NAALADL2: variants seen among roughly 807,000 people sequenced by gnomAD.
NAALADL2 encodes the protein N-acetylated alpha-linked acidic dipeptidase like 2, also known as inactive N-acetylated-alpha-linked acidic dipeptidase-like protein 2.
In NAALADL2, 76 loss-of-function variants were observed where a neutral mutation model predicts 87.2. The ratio of observed to expected loss-of-function variants is 0.87; its 90% CI spans 0.72 to 1.05. The LOEUF is 1.05. NAALADL2 is among the 50% of genes least tolerant of loss of function. NAALADL2 has a pLI of 0.00. For missense variants in NAALADL2, 1,089 were observed against 945.8 expected (o/e 1.15, Z -1.99); for synonymous variants, 354 against 331.0 (o/e 1.07, Z -0.75).
chr3:174,556,011 G>GCA (rs1712769323), intron 2 of NAALADL2, among the ~76,000 whole-genome samples: 13 of 75,728 alleles, frequency 1.7e-4, no homozygotes, highest in African/African-American at 7.9e-4. Context: ...GTGTGTGTGC[G>GCA]CGCACGTGAG....
At chr3:174,934,540 G>A (rs547626735) in intron 1 of NAALADL2, among the ~76,000 whole-genome samples, 19 of 152,140 alleles carry the variant, frequency 1.2e-4, no homozygotes, top group South Asian at 2.1e-4. Flanking sequence ...TGCCGAGCGC[G>A]GTGGGTCATG....
At chr3:175,681,706 TAATACC>T (rs1459163912) in intron 11 of NAALADL2, among the ~76,000 whole-genome samples, 3 of 152,036 alleles carry the variant, frequency 2.0e-5, no homozygotes, top group Admixed American at 1.3e-4. Flanking sequence ...AACTGAAGAG[TAATACC>T]AATACAGGCA....
At chr3:175,005,146 G>C (rs1271908996) in intron 1 of NAALADL2, among the ~76,000 whole-genome samples, 2 of 152,146 alleles carry the variant, frequency 1.3e-5, no homozygotes, top group African/African-American at 4.8e-5. Flanking sequence ...ATTGTTCTAA[G>C]TAATTTACAT....
intron 1 of NAALADL2, among the ~76,000 whole-genome samples, chr3:174,913,307 A>C (rs1733945576): frequency 6.6e-6 from 1 of 152,114 alleles, no homozygotes; most frequent in Non-Finnish European, 1.5e-5. Context: ...CAAGTATTCT[A>C]GTGGCTTATT....
chr3:175,167,167 T>C (rs1275885724), intron 2 of NAALADL2, among the ~76,000 whole-genome samples: 1 of 152,068 alleles, frequency 6.6e-6, no homozygotes, highest in East Asian at 1.9e-4. Context: ...ATACAGTCTA[T>C]TGCAACCACT....
intron 5 of NAALADL2, among the ~76,000 whole-genome samples, chr3:175,327,329 G>A (rs1179880232): frequency 6.6e-6 from 1 of 151,698 alleles, no homozygotes; most frequent in Non-Finnish European, 1.5e-5. Flanking sequence ...CTAATTTTTT[G>A]TATTTTTAGT....
At chr3:174,706,167 G>A (rs879941295) in intron 2 of NAALADL2, among the ~76,000 whole-genome samples, 1 of 152,126 alleles carries the variant, frequency 6.6e-6, no homozygotes, top group Non-Finnish European at 1.5e-5. Flanking sequence ...ATACACAATC[G>A]TCTTTTGACA....
chr3:174,441,682 T>G (rs1274152113), intron 1 of NAALADL2, among the ~76,000 whole-genome samples: 1 of 152,084 alleles, frequency 6.6e-6, no homozygotes, highest in Middle Eastern at 3.2e-3. Flanking sequence ...TACAGTTGCA[T>G]TGCTTCATAG....
intron 2 of NAALADL2, among the ~76,000 whole-genome samples, chr3:175,118,567 A>G (rs1172530817): frequency 6.6e-6 from 1 of 151,774 alleles, no homozygotes; most frequent in Non-Finnish European, 1.5e-5. Context: ...AGCACATGGT[A>G]TAGTGGTGCC....
At chr3:175,466,854 CTT>C in intron 7 of NAALADL2, 123 bp from the exon 8 acceptor site, 1 of 782,126 alleles carries the variant, frequency 1.3e-6, no homozygotes, top group Non-Finnish European at 2.1e-6. Flanking sequence ...TTAAAGTAGT[CTT>C]AATTATTAGA....
At chr3:175,058,934 A>G (rs75477913) in intron 1 of NAALADL2, among the ~76,000 whole-genome samples, 16,274 of 152,164 alleles carry the variant, frequency 0.11, 986 homozygotes, top group East Asian at 0.22. Flanking sequence ...CCTCCTACCT[A>G]CTAGTCTTGA....
At chr3:175,528,633 T>C (rs1474542105) in intron 9 of NAALADL2, among the ~76,000 whole-genome samples, 1 of 151,990 alleles carries the variant, frequency 6.6e-6, no homozygotes, top group Admixed American at 6.6e-5. Context: ...TACATAAACT[T>C]CAAATAAAGA....
chr3:174,912,712 G>A (rs868089750), intron 1 of NAALADL2, among the ~76,000 whole-genome samples: 9 of 152,060 alleles, frequency 5.9e-5, no homozygotes, highest in South Asian at 2.1e-4. Flanking sequence ...ATAAGACAAG[G>A]TTAATTGTTG....
At chr3:175,551,088 G>T (rs1056651054) in intron 9 of NAALADL2, among the ~76,000 whole-genome samples, 1 of 128,624 alleles carries the variant, frequency 7.8e-6, no homozygotes, top group Non-Finnish European at 1.6e-5. Context: ...GTGTCTCTGC[G>T]TGTGTGTGTG....
chr3:174,628,529 A>G (rs1196875416), intron 2 of NAALADL2, among the ~76,000 whole-genome samples: 3 of 151,842 alleles, frequency 2.0e-5, no homozygotes, highest in Non-Finnish European at 4.4e-5. Flanking sequence ...GTTTTTATAC[A>G]TAAGAAAATT....
At chr3:175,353,046 G>A (rs948939752) in intron 5 of NAALADL2, among the ~76,000 whole-genome samples, 1 of 150,914 alleles carries the variant, frequency 6.6e-6, no homozygotes, top group Non-Finnish European at 1.5e-5. Flanking sequence ...TGGAATTTCT[G>A]TTATTTTTTT....
chr3:174,971,878 A>G (rs1743716497), intron 1 of NAALADL2, among the ~76,000 whole-genome samples: 1 of 152,052 alleles, frequency 6.6e-6, no homozygotes, highest in Non-Finnish European at 1.5e-5. Flanking sequence ...TTGTATTTTT[A>G]GTAGAGATGG....
chr3:174,628,331 G>T (rs1039497195), intron 2 of NAALADL2, among the ~76,000 whole-genome samples: 9 of 151,838 alleles, frequency 5.9e-5, no homozygotes, highest in Non-Finnish European at 1.3e-4. Flanking sequence ...CAAAAAATTA[G>T]CTGGGTGTGG....
chr3:175,159,127 A>G (rs1003341396), intron 2 of NAALADL2, among the ~76,000 whole-genome samples: 2 of 152,318 alleles, frequency 1.3e-5, no homozygotes, highest in East Asian at 1.9e-4. Flanking sequence ...TTAGCTTAAT[A>G]AAGATGGATG....
Sources: gnomAD v4.1 joint callset for allele counts (sites outside exome capture counted in the v4.1 genomes callset) on GRCh38, gnomAD v4.1.1 for gene constraint, MANE v1.5 for transcripts, NCBI Gene and HGNC (gene_info 2026-07-23, HGNC 2026-07-21) for gene names.